The following CAMSAP2 variants were observed in gnomAD, a reference collection of about 807,000 sequenced individuals.
CAMSAP2 encodes calmodulin regulated spectrin associated protein family member 2.
In CAMSAP2, 26 loss-of-function variants were observed where a neutral mutation model predicts 146.1. The observed-to-expected ratio is 0.18, with a 90% CI of 0.13 to 0.25. The LOEUF (loss-of-function observed/expected upper bound fraction) is 0.25. CAMSAP2 is among the 10% of genes least tolerant of loss of function. CAMSAP2 has a pLI of 1.00. For missense variants in CAMSAP2, 1,381 were observed against 1,759.3 expected (o/e 0.78, Z 3.85); for synonymous variants, 499 against 596.6 (o/e 0.84, Z 2.38).
chr1:200,856,694 G>T (rs1331870620), intron 15 of CAMSAP2, among the ~76,000 whole-genome samples: 1 of 152,202 alleles, frequency 6.6e-6, no homozygotes, highest in Non-Finnish European at 1.5e-5. Context: ...AGATAGGAAG[G>T]CATGGGAGAA....
intron 4 of CAMSAP2, among the ~76,000 whole-genome samples, chr1:200,831,304 T>C (rs949257274): frequency 2.6e-5 from 4 of 152,224 alleles, no homozygotes; most frequent in Non-Finnish European, 5.9e-5. Context: ...GCACTTTGTG[T>C]CCATCATCTT....
chr1:200,785,003 C>T (rs1665544914), intron 2 of CAMSAP2, among the ~76,000 whole-genome samples: 1 of 152,058 alleles, frequency 6.6e-6, no homozygotes, highest in South Asian at 2.1e-4. Context: ...CTTTTTCTGC[C>T]TCTATTAAGA....
intron 2 of CAMSAP2, among the ~76,000 whole-genome samples, chr1:200,804,399 G>A (rs1438400630): frequency 6.6e-6 from 1 of 151,780 alleles, no homozygotes; most frequent in Non-Finnish European, 1.5e-5. Flanking sequence ...CATTTTGGTT[G>A]GATATTGTTT....
At chr1:200,817,858 A>G (rs953797499) in intron 4 of CAMSAP2, among the ~76,000 whole-genome samples, 1 of 152,040 alleles carries the variant, frequency 6.6e-6, no homozygotes, top group Non-Finnish European at 1.5e-5. Flanking sequence ...GAGGTCCTTT[A>G]CCCTAAAGGT....
chr1:200,804,618 A>T (rs954957050), intron 2 of CAMSAP2, among the ~76,000 whole-genome samples: 2 of 152,170 alleles, frequency 1.3e-5, no homozygotes, highest in East Asian at 3.8e-4. Flanking sequence ...CCCATAAAAC[A>T]TTGTCTAGGA....
chr1:200,757,982 T>C (rs891818359), intron 1 of CAMSAP2, among the ~76,000 whole-genome samples: 2 of 152,252 alleles, frequency 1.3e-5, no homozygotes, highest in African/African-American at 4.8e-5. Context: ...TTTGAGCCTG[T>C]TTAGCAAGAT....
chr1:200,839,908 C>T (rs540155515), intron 6 of CAMSAP2, among the ~76,000 whole-genome samples: 1 of 152,128 alleles, frequency 6.6e-6, no homozygotes, highest in Non-Finnish European at 1.5e-5. Flanking sequence ...GGGATGAGAG[C>T]CACTGCATAG....
intron 4 of CAMSAP2, among the ~76,000 whole-genome samples, chr1:200,821,071 CTG>C (rs1439429836): frequency 6.6e-6 from 1 of 152,032 alleles, no homozygotes; most frequent in Non-Finnish European, 1.5e-5. Context: ...TTTTAGTTAA[CTG>C]TGAAGACATA....
intron 3 of CAMSAP2, among the ~76,000 whole-genome samples, chr1:200,813,828 G>A (rs1558188849): frequency 6.6e-6 from 1 of 152,058 alleles, no homozygotes; most frequent in Non-Finnish European, 1.5e-5. Context: ...GCTGGGTCTG[G>A]TGGCTCATGT....
At chr1:200,788,384 A>G (rs12410302) in intron 2 of CAMSAP2, among the ~76,000 whole-genome samples, 26,203 of 152,130 alleles carry the variant, frequency 0.17, 3,000 homozygotes, top group East Asian at 0.35. Context: ...TTCAGCTCCT[A>G]TAGGTATATA....
intron 3 of CAMSAP2, 21 bp from the exon 4 acceptor site, chr1:200,815,540 C>G: frequency 8.0e-7 from 1 of 1,243,692 alleles, no homozygotes; most frequent in Non-Finnish European, 1.1e-6. Flanking sequence ...AAAATTCAAA[C>G]TGATATTTTT....
intron 2 of CAMSAP2, among the ~76,000 whole-genome samples, chr1:200,801,331 G>A (rs1666032845): frequency 1.3e-5 from 2 of 151,848 alleles, no homozygotes; most frequent in African/African-American, 2.4e-5. Context: ...GGGTTTCCAC[G>A]TAGAGATCCG....
At chr1:200,822,541 C>T (rs1006115709) in intron 4 of CAMSAP2, among the ~76,000 whole-genome samples, 1 of 152,092 alleles carries the variant, frequency 6.6e-6, no homozygotes, top group African/African-American at 2.4e-5. Context: ...TAAATTGTGT[C>T]CTTATCACAA....
chr1:200,756,236 T>A (rs1664645139), intron 1 of CAMSAP2, among the ~76,000 whole-genome samples: 1 of 152,144 alleles, frequency 6.6e-6, no homozygotes, highest in South Asian at 2.1e-4. Context: ...GCAGATCATC[T>A]GAGGTCAGGA....
chr1:200,853,202 A>T lies in CAMSAP2; in HGVS notation c.3603-73A>T, dbSNP rs1331994207. The T allele has an allele frequency of 1.5e-6, 2 of 1,300,798 alleles. No homozygotes were observed. The highest frequency in any genetic ancestry group is 4.2e-5 in the Admixed American group (2 of 48,056). The allele number at this position is 1,300,798 out of a possible 1,614,324, so 80.6% of individuals were successfully genotyped here. On this transcript the variant is annotated intron_variant, in intron 12 of 16. Coordinates refer to ENST00000358823, the MANE Select transcript of CAMSAP2 (RefSeq NM_203459.4). The surrounding 1 kb of genome is among the most constrained non-coding windows in gnomAD (Gnocchi z 5.1). ...AAATAGAATTCTCCTTTCTCATATC[A>T]AATACATAACTCTCTCCTGTATGGT... is the stretch of plus-strand genomic sequence containing the variant.
At chr1:200,834,772 C>T (rs1048512211) in intron 6 of CAMSAP2, among the ~76,000 whole-genome samples, 11 of 152,000 alleles carry the variant, frequency 7.2e-5, no homozygotes, top group African/African-American at 2.4e-4. Context: ...GTTAGCCAGG[C>T]GTGATGGCAC....
At chr1:200,752,496 C>T (rs1291896233) in intron 1 of CAMSAP2, among the ~76,000 whole-genome samples, 2 of 152,020 alleles carry the variant, frequency 1.3e-5, no homozygotes, top group Non-Finnish European at 2.9e-5. Context: ...GAAATTTAAC[C>T]TTGACGTGAT....
chr1:200,843,034 C>T (rs1004123460), intron 7 of CAMSAP2, among the ~76,000 whole-genome samples: 18 of 150,398 alleles, frequency 1.2e-4, no homozygotes. Flanking sequence ...GAAAAATGAT[C>T]TTAAATTATA....
rs572767030 is a variant in CAMSAP2, at chr1:200,791,160, G to A, written c.400-16216G>A. Among the ~76,000 whole-genome samples, 3 of 152,136 alleles carry A rather than the reference G, an allele frequency of 2.0e-5. No homozygotes were observed. In the South Asian group the frequency reaches 6.2e-4, roughly 32 times the overall value. Reference sequence around the variant, plus strand: ...GCATCCGGCCTTTACCTCCATTTTTGTAGGTTATTTTTGCTGAGTAAGATG... The same window carrying A: ...GCATCCGGCCTTTACCTCCATTTTTATAGGTTATTTTTGCTGAGTAAGATG... On this transcript the variant is annotated intron_variant, in intron 2 of 16. Coordinates refer to ENST00000358823, the MANE Select transcript of CAMSAP2 (RefSeq NM_203459.4).
Sources: allele counts gnomAD v4.1 joint callset (sites outside exome capture counted in the v4.1 genomes callset), GRCh38; gene constraint gnomAD v4.1.1; non-coding constraint Gnocchi (gnomAD v3.1); transcripts MANE v1.5; gene names NCBI Gene and HGNC (gene_info 2026-07-23, HGNC 2026-07-21).